The following ZDHHC5 variants were observed in gnomAD, a reference collection of about 807,000 sequenced individuals.
ZDHHC5 encodes zDHHC palmitoyltransferase 5, also known as palmitoyltransferase ZDHHC5.
A neutral mutation model predicts 70.0 loss-of-function variants in ZDHHC5; 22 were observed. The observed-to-expected ratio is 0.31, with a 90% confidence interval of 0.22 to 0.45. The LOEUF (loss-of-function observed/expected upper bound fraction) is 0.45. Ranked by LOEUF, ZDHHC5 falls within the 20% of genes least tolerant of loss-of-function variation. The pLI, the probability that ZDHHC5 is intolerant of heterozygous loss-of-function variation, is 1.00. For missense variants in ZDHHC5, 746 were observed against 926.9 expected (o/e 0.80, Z 2.53); for synonymous variants, 313 against 347.8 (o/e 0.90, Z 1.11).
intron 10 of ZDHHC5, among the ~76,000 whole-genome samples, chr11:57,698,033 G>A (rs1946378392): frequency 6.6e-6 from 1 of 151,786 alleles, no homozygotes; most frequent in Non-Finnish European, 1.5e-5. Context: ...TACTCGGGAA[G>A]CTGAGGCAGG....
intron 7 of ZDHHC5, among the ~76,000 whole-genome samples, chr11:57,693,118 C>T (rs1456009344): frequency 6.6e-6 from 1 of 152,052 alleles, no homozygotes; most frequent in Non-Finnish European, 1.5e-5. Flanking sequence ...TCCAGCCTGG[C>T]CAATATGGTG....
intron 2 of ZDHHC5, among the ~76,000 whole-genome samples, chr11:57,676,334 A>G (rs1946070459): frequency 6.6e-6 from 1 of 152,100 alleles, no homozygotes; most frequent in Non-Finnish European, 1.5e-5. Flanking sequence ...ATCCTGTCTT[A>G]ATTCTTCTCT....
chr11:57,688,572 G>A lies in ZDHHC5; in HGVS notation c.291G>A (p.Lys97=), dbSNP rs149824916. 1.1e-4 allele frequency: 171 copies of A among 1,609,294 alleles called. No homozygotes were observed. Among genetic ancestry groups the A allele is most frequent in the Admixed American group, 3.7e-4 (22 of 59,114 alleles). The change falls in exon 4 of 12, where the codon AAG becomes AAA. Residue 97 remains lysine (K), a synonymous_variant. Coordinates refer to ENST00000287169, the MANE Select transcript of ZDHHC5 (RefSeq NM_015457.3). Reference sequence around the variant, plus strand: ...CCCTTTACAAAACAGTGGAGATAAAGGGCATCCAGGTGCGCATGAAATGGT... The same window carrying A: ...CCCTTTACAAAACAGTGGAGATAAAAGGCATCCAGGTGCGCATGAAATGGT... The part of the protein sequence containing the change: ...RAPLYKTVEI[K]GIQVRMKWCA...
chr11:57,694,671 A>C (rs1007924317), intron 8 of ZDHHC5, among the ~76,000 whole-genome samples: 4 of 152,204 alleles, frequency 2.6e-5, no homozygotes, highest in African/African-American at 9.6e-5. Context: ...CCTACATTAG[A>C]CTTTAAGTTC....
chr11:57,682,572 C>CT lies in ZDHHC5; in HGVS notation c.226+31dup, dbSNP rs765875712. The CT allele has an allele frequency of 1.9e-6, 3 of 1,606,460 alleles. No individual in the cohort carries two copies. In the South Asian group the frequency reaches 3.3e-5, roughly 18 times the overall value. Reference sequence around the variant, plus strand: ...AGATCTGCTTCTCTCTTAGAAGCACCTTACACTGCCTTTGAAAAATAATGA... The same window carrying CT: ...AGATCTGCTTCTCTCTTAGAAGCACCTTTACACTGCCTTTGAAAAATAATGA... On this transcript the variant is annotated intron_variant, in intron 3 of 11. Transcript: ENST00000287169.
intron 10 of ZDHHC5, among the ~76,000 whole-genome samples, chr11:57,698,158 C>G (rs1565199249): frequency 6.9e-6 from 1 of 145,890 alleles, no homozygotes; most frequent in Admixed American, 6.9e-5. Context: ...CAAACAAATG[C>G]CAACTGTTAC....
intron 3 of ZDHHC5, among the ~76,000 whole-genome samples, chr11:57,683,452 A>G (rs975930835): frequency 1.3e-5 from 2 of 152,192 alleles, no homozygotes; most frequent in African/African-American, 4.8e-5. Context: ...AAGAGAGAGA[A>G]AGTGGAGGAA....
At chr11:57,695,878 C>T (rs373354979) in intron 8 of ZDHHC5, 42 bp from the exon 9 acceptor site, 34 of 1,600,374 alleles carry the variant, frequency 2.1e-5, no homozygotes, top group Non-Finnish European at 2.7e-5. Context: ...TGCCATAATG[C>T]TCAATTTCTA....
intron 1 of ZDHHC5, among the ~76,000 whole-genome samples, chr11:57,671,812 TCTG>T (rs1946010038): frequency 6.6e-6 from 1 of 152,224 alleles, no homozygotes; most frequent in Non-Finnish European, 1.5e-5. Flanking sequence ...GAAGCCATGT[TCTG>T]CTTCCAATCT....
rs959627249 is a variant in ZDHHC5 at position 57,672,293 on chromosome 11, G to C, written c.-798G>C. 4 of 398,354 alleles carry C rather than the reference G, an allele frequency of 1.0e-5. No individual in the cohort carries two copies. Among genetic ancestry groups the C allele is most frequent in the Non-Finnish European group, 8.8e-6 (2 of 226,060 alleles). 24.7% of individuals were successfully genotyped at this position (398,354 alleles called of 1,614,324 possible). A position where few individuals can be genotyped will look rare whatever the true frequency, so the allele number is the denominator to read the frequency against. On this transcript the variant is annotated 5_prime_UTR_variant, in exon 2 of 12. Transcript: ENST00000287169. ...AAAGGGCTTGGGAATAACAAGAAGA[G>C]ATTGAAGACAGAGAAGCTTGCCCTG...
chr11:57,669,098 C>T (rs1414705497), intron 1 of ZDHHC5, among the ~76,000 whole-genome samples: 1 of 152,198 alleles, frequency 6.6e-6, no homozygotes, highest in African/African-American at 2.4e-5. Context: ...CTCATTATCA[C>T]CCATTGTATA....
intron 1 of ZDHHC5, among the ~76,000 whole-genome samples, chr11:57,669,232 C>T (rs1259135748): frequency 6.6e-6 from 1 of 152,152 alleles, no homozygotes; most frequent in African/African-American, 2.4e-5. Context: ...TCCATGGTAC[C>T]TCCATTACTG....
rs575431064 is a variant in ZDHHC5 at position 57,668,127 on chromosome 11, C to G, written c.-1131C>G. 1.2e-4 allele frequency: 45 copies of G among 371,728 alleles called. No individual in the cohort carries two copies. Among genetic ancestry groups the G allele is most frequent in the African/African-American group, 9.5e-4 (45 of 47,582 alleles). 23.0% of individuals were successfully genotyped at this position (371,728 alleles called of 1,614,324 possible). The stretch of plus-strand genomic sequence containing the variant: ...CGCGCGCTGCTTCTCTGAGGCAGGA[C>G]GGCACTGCCGGGAGGCGGCGGTGAC... On this transcript the variant is annotated 5_prime_UTR_variant, in exon 1 of 12. Transcript: ENST00000287169.
chr11:57,686,956 A>G (rs1201972844), intron 3 of ZDHHC5, among the ~76,000 whole-genome samples: 1 of 151,332 alleles, frequency 6.6e-6, no homozygotes, highest in African/African-American at 2.4e-5. Flanking sequence ...TCAGCCTCCC[A>G]AGTAGCTGGG....
rs1037650289 is a variant in ZDHHC5, at chr11:57,668,156, G to A, written c.-1102G>A. ...ACTGCCGGGAGGCGGCGGTGACAACGACGGCGGTGGTGACGGGCACCGGGC... is the reference window on the plus strand; with the variant it reads ...ACTGCCGGGAGGCGGCGGTGACAACAACGGCGGTGGTGACGGGCACCGGGC... On this transcript the variant is annotated 5_prime_UTR_variant, in exon 1 of 12. Coordinates refer to ENST00000287169, the MANE Select transcript of ZDHHC5 (RefSeq NM_015457.3). The A allele has an allele frequency of 1.1e-5, 4 of 368,898 alleles. No homozygotes were observed. The highest frequency in any genetic ancestry group is 4.2e-5 in the African/African-American group (2 of 47,400). 22.9% of individuals were successfully genotyped at this position (368,898 alleles called of 1,614,324 possible).
Position 57,698,826 on chromosome 11 carries a change from C to T in ZDHHC5, c.1390C>T (p.Arg464Cys), listed in dbSNP as rs377222880. Residue 464 changes from arginine to cysteine, a missense_variant, in exon 11 of 12, where the codon CGC (arginine) becomes TGC (cysteine). Arg to Cys is a radical substitution (Grantham distance 180, BLOSUM62 -3). This residue lies in a region of ZDHHC5 where 340 missense variants were observed against 350.1 expected (regional missense o/e 0.97). Transcript: ENST00000287169. Reference sequence around the variant, plus strand: ...CTATAAGAGCCTGGCCAACCAGACACGCAATGGAAGCCTATCTTATGACAG... The same window carrying T: ...CTATAAGAGCCTGGCCAACCAGACATGCAATGGAAGCCTATCTTATGACAG... Reference protein sequence around the residue: ...TSYKSLANQTRNGSLSYDSLL... With the variant: ...TSYKSLANQTCNGSLSYDSLL... The T allele has an allele frequency of 1.5e-5, 25 of 1,614,114 alleles. No homozygotes were observed. Among genetic ancestry groups the T allele is most frequent in the Admixed American group, 6.7e-5 (4 of 60,008 alleles).
chr11:57,682,409 ATTG>A lies in ZDHHC5; in HGVS notation c.105-11_105-9del. 1 of 1,596,912 alleles carries A rather than the reference ATTG, an allele frequency of 6.3e-7. No individual in the cohort carries two copies. Among genetic ancestry groups the A allele is most frequent in the Admixed American group, 1.8e-5 (1 of 56,968 alleles). On this transcript the variant is annotated splice_polypyrimidine_tract_variant and intron_variant, in intron 2 of 11. Coordinates refer to ENST00000287169, the MANE Select transcript of ZDHHC5 (RefSeq NM_015457.3). ...TTAGAGGCAACCCCTCATTTTCTTT[ATTG>A]TCTGTGCAGGTGTCCAGGACTAAGC...
chr11:57,694,612 T>G (rs937220984), intron 8 of ZDHHC5, among the ~76,000 whole-genome samples: 2 of 152,116 alleles, frequency 1.3e-5, no homozygotes, highest in African/African-American at 4.8e-5. Context: ...TCCAACCCCC[T>G]CAGCCTCCCA....
chr11:57,673,053 G>A lies in ZDHHC5; in HGVS notation c.-38G>A, dbSNP rs1262083903. 2 of 1,597,054 alleles carry A rather than the reference G, an allele frequency of 1.3e-6. No homozygotes were observed. The highest frequency in any genetic ancestry group is 1.7e-6 in the Non-Finnish European group (2 of 1,164,712). The stretch of plus-strand genomic sequence containing the variant: ...CTGTTCTGCCGCTGTGTGGGCCTGG[G>A]CTATGCGGCAGGGCAGATTTCCCAT... On this transcript the variant is annotated 5_prime_UTR_variant, in exon 2 of 12. Coordinates refer to ENST00000287169, the MANE Select transcript of ZDHHC5 (RefSeq NM_015457.3).
Sources: allele counts gnomAD v4.1 joint callset (sites outside exome capture counted in the v4.1 genomes callset), GRCh38; gene constraint gnomAD v4.1.1; regional missense constraint gnomAD v4.1.1; transcripts MANE v1.5; gene names NCBI Gene and HGNC (gene_info 2026-07-23, HGNC 2026-07-21).